Variants in MRPL45 observed in about 807,000 individuals in gnomAD.
MRPL45 encodes the protein large ribosomal subunit protein mL45.
MRPL45 carries 20 observed loss-of-function variants against 38.1 expected under a neutral mutation model. That is an observed-to-expected ratio of 0.53 (90% CI 0.37 to 0.76). The LOEUF (loss-of-function observed/expected upper bound fraction) is 0.76, where lower values mean the gene tolerates loss of function less well. MRPL45 is among the 30% of genes least tolerant of loss of function. MRPL45 has a pLI of 0.00. For missense variants in MRPL45, 337 were observed against 395.6 expected (o/e 0.85, Z 1.26); for synonymous variants, 105 against 128.8 (o/e 0.82, Z 1.25).
intron 3 of MRPL45, among the ~76,000 whole-genome samples, chr17:38,301,893 G>A (rs989021386): frequency 6.6e-6 from 1 of 152,012 alleles, no homozygotes; most frequent in African/African-American, 2.4e-5. Context: ...CGAGGCGGGT[G>A]GATCACGAGG....
intron 4 of MRPL45, among the ~76,000 whole-genome samples, chr17:38,310,658 C>T (rs775550998): frequency 5.3e-5 from 8 of 151,870 alleles, no homozygotes; most frequent in East Asian, 1.9e-4. Flanking sequence ...CAGGCTCTTG[C>T]GCTGTCACTC....
chr17:38,298,189 G>A, intron 1 of MRPL45, among the ~76,000 whole-genome samples: 1 of 152,212 alleles, frequency 6.6e-6, no homozygotes, highest in Admixed American at 6.5e-5. Context: ...GTATCCGTAG[G>A]AGTTAGCATA....
chr17:38,318,819 T>G, intron 5 of MRPL45, 84 bp downstream of exon 5: 1 of 881,582 alleles, frequency 1.1e-6, no homozygotes, highest in Non-Finnish European at 1.7e-6. Flanking sequence ...TTTCTTTTCT[T>G]TTCTTTTCTT....
In MRPL45 at chr17:38,313,347, CGT is replaced by C. The variant is rs1491507179; in HGVS notation, c.462-5339_462-5338del. On this transcript the variant is annotated intron_variant, in intron 4 of 7. Transcript: ENST00000613675. ...ATATATATATACATATATATATATA[CGT>C]ATATATATATATATATACGTATATA... Among the ~76,000 whole-genome samples, 39 of 18,098 alleles carry C rather than the reference CGT, an allele frequency of 2.2e-3. 1 individual carries two copies. Among genetic ancestry groups the C allele is most frequent in the African/African-American group, 8.5e-3 (36 of 4,232 alleles). 11.9% of individuals were successfully genotyped at this position (18,098 alleles called of 152,430 possible).
chr17:38,319,996 G>C (rs1351211507), intron 5 of MRPL45, among the ~76,000 whole-genome samples: 1 of 152,142 alleles, frequency 6.6e-6, no homozygotes, highest in East Asian at 1.9e-4. Flanking sequence ...CCAGCTACTC[G>C]GGAAGCTGAG....
intron 4 of MRPL45, among the ~76,000 whole-genome samples, chr17:38,311,704 A>G (rs1278445209): frequency 7.6e-6 from 1 of 131,818 alleles, no homozygotes; most frequent in Non-Finnish European, 1.6e-5. Context: ...AAAAAAAAAA[A>G]GAGACCTGAG....
intron 4 of MRPL45, among the ~76,000 whole-genome samples, chr17:38,307,958 G>A (rs936462165): frequency 9.3e-5 from 14 of 151,336 alleles, no homozygotes; most frequent in African/African-American, 3.4e-4. Flanking sequence ...CAGGCTGGAG[G>A]GCAGTGGTGC....
At chr17:38,297,738 A>T (rs906806680) in intron 1 of MRPL45, among the ~76,000 whole-genome samples, 1 of 152,156 alleles carries the variant, frequency 6.6e-6, no homozygotes. Context: ...TCCCGATAGG[A>T]TGAGCAAAAT....
chr17:38,302,697 A>G (rs2037010842), intron 3 of MRPL45, among the ~76,000 whole-genome samples: 1 of 151,612 alleles, frequency 6.6e-6, no homozygotes, highest in South Asian at 2.1e-4. Flanking sequence ...TTCTGTTGAT[A>G]TGATGACATA....
intron 4 of MRPL45, among the ~76,000 whole-genome samples, chr17:38,308,040 A>G (rs2037071581): frequency 6.6e-6 from 1 of 151,910 alleles, no homozygotes; most frequent in East Asian, 1.9e-4. Context: ...GAGTAGCTGG[A>G]ACCTCTAGGG....
intron 3 of MRPL45, among the ~76,000 whole-genome samples, chr17:38,303,819 C>T (rs1425860884): frequency 4.6e-5 from 7 of 151,736 alleles, no homozygotes; most frequent in East Asian, 1.9e-4. Flanking sequence ...TTCCGCCTCC[C>T]GGGTTCAAGC....
rs1555561978 is a variant in MRPL45, at chr17:38,313,311, A to ATATATAT, written c.462-5376_462-5375insTATATAT. On this transcript the variant is annotated intron_variant, in intron 4 of 7. Transcript: ENST00000613675. The stretch of plus-strand genomic sequence containing the variant: ...TTCCTTTCTATTAAAAAAAAAAAAA[A>ATATATAT]ATATATATATATATATATATACATA... 1.8e-3 allele frequency among the ~76,000 whole-genome samples: 14 copies of ATATATAT among 7,866 alleles called. 2 individuals carry two copies. The highest frequency in any genetic ancestry group is 5.7e-3 in the South Asian group (1 of 174). 5.2% of individuals were successfully genotyped at this position (7,866 alleles called of 152,430 possible). A position where few individuals can be genotyped will look rare whatever the true frequency, so the allele number is the denominator to read the frequency against.
intron 3 of MRPL45, among the ~76,000 whole-genome samples, chr17:38,300,308 G>A (rs1479313156): frequency 2.0e-5 from 3 of 151,882 alleles, no homozygotes; most frequent in Non-Finnish European, 4.4e-5. Context: ...GAGCCACTGC[G>A]CCCAGCCGAC....
chr17:38,304,340 G>A (rs1415004774), intron 3 of MRPL45, among the ~76,000 whole-genome samples: 1 of 152,130 alleles, frequency 6.6e-6, no homozygotes, highest in Non-Finnish European at 1.5e-5. Flanking sequence ...GCCAAGCGTG[G>A]TAGTGCACAC....
At chr17:38,304,099 A>G (rs1365099554) in intron 3 of MRPL45, among the ~76,000 whole-genome samples, 2 of 152,174 alleles carry the variant, frequency 1.3e-5, no homozygotes, top group African/African-American at 4.8e-5. Context: ...AAAAAGAAAT[A>G]TTTTATTCTC....
At chr17:38,318,551 T>G (rs1597655818) in intron 4 of MRPL45, 136 bp from the exon 5 acceptor site, 1 of 565,654 alleles carries the variant, frequency 1.8e-6, no homozygotes, top group East Asian at 2.9e-5. Context: ...TTAGCATATT[T>G]TATACCTGGC....
At chr17:38,322,325 G>T in intron 7 of MRPL45, 26 bp downstream of exon 7, 2 of 1,610,644 alleles carry the variant, frequency 1.2e-6, no homozygotes. Flanking sequence ...TGGTTTAAGA[G>T]AGCTGAGGCA....
chr17:38,318,103 G>A (rs1411040522), intron 4 of MRPL45, among the ~76,000 whole-genome samples: 1 of 151,524 alleles, frequency 6.6e-6, no homozygotes, highest in African/African-American at 2.4e-5. Flanking sequence ...AGCTACTCAG[G>A]AGGCTGAGGC....
intron 4 of MRPL45, among the ~76,000 whole-genome samples, chr17:38,308,056 C>G (rs1052007126): frequency 6.6e-6 from 1 of 152,000 alleles, no homozygotes; most frequent in African/African-American, 2.4e-5. Context: ...TAGGGGTATA[C>G]CACCACACCC....
Sources: gnomAD v4.1 joint callset for allele counts (sites outside exome capture counted in the v4.1 genomes callset) on GRCh38, gnomAD v4.1.1 for gene constraint, MANE v1.5 for transcripts, NCBI Gene and HGNC (gene_info 2026-07-23, HGNC 2026-07-21) for gene names.